The following TTC28 variants were observed in gnomAD, a reference collection of about 807,000 sequenced individuals.
TTC28 encodes the protein tetratricopeptide repeat domain 28, also known as tetratricopeptide repeat protein 28.
A neutral mutation model predicts 198.0 loss-of-function variants in TTC28; 61 were observed. The observed-to-expected ratio is 0.31, with a 90% CI of 0.25 to 0.38. The LOEUF is 0.38. TTC28 is among the 10% of genes least tolerant of loss of function. TTC28 has a pLI of 1.00. For missense variants in TTC28, 2,678 were observed against 3,164.0 expected, an observed-to-expected ratio of 0.85 and a Z score of 3.69; for synonymous variants, 1,171 against 1,297.8, an observed-to-expected ratio of 0.90 and a Z score of 2.10.
At chr22:28,338,988 T>C (rs1237950398) in intron 2 of TTC28, among the ~76,000 whole-genome samples, 1 of 152,242 alleles carries the variant, frequency 6.6e-6, no homozygotes, top group East Asian at 1.9e-4. Flanking sequence ...CTCTGTTTTT[T>C]CCCCATCTTT....
intron 5 of TTC28, among the ~76,000 whole-genome samples, chr22:28,187,138 T>C (rs1924274689): frequency 6.6e-6 from 1 of 151,912 alleles, no homozygotes; most frequent in Non-Finnish European, 1.5e-5. Flanking sequence ...ATAAGAAAAA[T>C]AGGTAGAAAT....
intron 3 of TTC28, among the ~76,000 whole-genome samples, chr22:28,304,036 A>C (rs1376964680): frequency 6.6e-6 from 1 of 152,174 alleles, no homozygotes; most frequent in Non-Finnish European, 1.5e-5. Context: ...CTGTAATCCC[A>C]GCACTTTGGG....
intron 13 of TTC28, 39 bp downstream of exon 13, chr22:28,030,187 T>G (rs1939015848): frequency 6.5e-7 from 1 of 1,549,474 alleles, no homozygotes; most frequent in East Asian, 2.4e-5. Flanking sequence ...CAGAGCACCC[T>G]GCCCTGCACT....
In TTC28 at chr22:28,337,863, G is replaced by A. The variant is rs563578893; in HGVS notation, c.382-31220C>T. 5.3e-5 allele frequency among the ~76,000 whole-genome samples: 8 copies of A among 152,308 alleles called. No individual in the cohort carries two copies. The South Asian group carries it at 1.7e-3, about 32-fold the overall frequency. On this transcript the variant is annotated intron_variant, in intron 2 of 22. Transcript: ENST00000397906. ...ACATTTAAGGTTAATATTGTTATGT[G>A]TGAATTTGATCCTGTCTTTATGATG...
At position 28,642,102 on chromosome 22, in the gene TTC28, C is replaced by A. The variant is rs138419160; in HGVS notation, c.103-12272G>T. On this transcript the variant is annotated intron_variant, in intron 1 of 22. Coordinates refer to ENST00000397906, the MANE Select transcript of TTC28 (RefSeq NM_001145418.2). ...AATCTGTTAAGTAGTAAAACTATTA[C>A]TTTTATTAGACCATATTGAGTCAAG... Among the ~76,000 whole-genome samples, 4 of 151,600 alleles carry A rather than the reference C, an allele frequency of 2.6e-5. No individual in the cohort carries two copies. In the East Asian group the frequency reaches 7.8e-4, roughly 29 times the overall value.
intron 2 of TTC28, among the ~76,000 whole-genome samples, chr22:28,369,843 G>A (rs2145986220): frequency 6.6e-6 from 1 of 152,172 alleles, no homozygotes; most frequent in Non-Finnish European, 1.5e-5. Context: ...ATATATAAGA[G>A]TAATAGGAAT....
chr22:28,557,976 T>A (rs1261445040), intron 2 of TTC28, among the ~76,000 whole-genome samples: 1 of 152,244 alleles, frequency 6.6e-6, no homozygotes, highest in Non-Finnish European at 1.5e-5. Context: ...CATGATCATT[T>A]TTTACTGTTC....
At chr22:28,108,455 T>C (rs1942389730) in intron 6 of TTC28, 52 bp from the exon 7 acceptor site, 3 of 1,360,520 alleles carry the variant, frequency 2.2e-6, no homozygotes, top group Admixed American at 3.5e-5. Context: ...TGATTTGCAA[T>C]GTAGAAAGAA....
At chr22:27,997,753 A>G (rs1937577626) in intron 16 of TTC28, 1 of 152,250 alleles carries the variant, frequency 6.6e-6, no homozygotes, top group Admixed American at 6.5e-5. Context: ...TGTTGGTAAA[A>G]CAGTCCCGGC....
intron 5 of TTC28, among the ~76,000 whole-genome samples, chr22:28,167,228 A>G (rs963169017): frequency 5.3e-5 from 8 of 152,192 alleles, no homozygotes; most frequent in Admixed American, 2.6e-4. Flanking sequence ...ATTCACAGCC[A>G]AATTCTACCA....
intron 12 of TTC28, among the ~76,000 whole-genome samples, chr22:28,065,326 A>T (rs991635838): frequency 6.6e-6 from 1 of 152,252 alleles, no homozygotes; most frequent in Admixed American, 6.5e-5. Context: ...CACAGTTCAC[A>T]GTCTACATAC....
chr22:28,279,478 C>G (rs2044539650), intron 5 of TTC28, among the ~76,000 whole-genome samples: 1 of 152,198 alleles, frequency 6.6e-6, no homozygotes. Flanking sequence ...TCAAGCGATT[C>G]TCCTGCCACA....
intron 5 of TTC28, among the ~76,000 whole-genome samples, chr22:28,171,693 G>C (rs372422514): frequency 6.8e-6 from 1 of 147,946 alleles, no homozygotes; most frequent in East Asian, 2.0e-4. Context: ...CTAACAAAAA[G>C]ACTTAGAAAA....
At chr22:28,552,534 T>C (rs553067524) in intron 2 of TTC28, among the ~76,000 whole-genome samples, 8 of 152,136 alleles carry the variant, frequency 5.3e-5, no homozygotes, top group South Asian at 4.1e-4. Flanking sequence ...AATAGGCACA[T>C]AGACCAATGA....
rs1171590495 is a variant in TTC28, at chr22:28,604,298, TA to T, written c.381+25253del. 9.2e-4 allele frequency among the ~76,000 whole-genome samples: 23 copies of T among 25,100 alleles called. No homozygotes were observed. The South Asian group carries it at 0.027, about 29-fold the overall frequency. 16.5% of individuals were successfully genotyped at this position (25,100 alleles called of 152,430 possible). Reference sequence around the variant, plus strand: ...GTCTTAAACAGAAAAAAAAAAAAATTATATATATATATATATATATATATGT... The same window carrying T: ...GTCTTAAACAGAAAAAAAAAAAAATTTATATATATATATATATATATATGT... On this transcript the variant is annotated intron_variant, in intron 2 of 22. Transcript: ENST00000397906.
At chr22:28,579,179 T>C (rs974694240) in intron 2 of TTC28, among the ~76,000 whole-genome samples, 3 of 151,040 alleles carry the variant, frequency 2.0e-5, no homozygotes, top group Admixed American at 6.6e-5. Context: ...CACGTATGTA[T>C]AGTTATATAT....
chr22:28,263,281 T>C (rs1931449205), intron 5 of TTC28, among the ~76,000 whole-genome samples: 1 of 152,156 alleles, frequency 6.6e-6, no homozygotes, highest in African/African-American at 2.4e-5. Flanking sequence ...TATGTTTTAA[T>C]CCTCACTTTA....
At chr22:28,017,531 G>C (rs1231452055) in intron 13 of TTC28, among the ~76,000 whole-genome samples, 1 of 152,068 alleles carries the variant, frequency 6.6e-6, no homozygotes, top group Non-Finnish European at 1.5e-5. Context: ...AGTGGAGGAG[G>C]TCATTCCAAC....
At chr22:28,527,033 C>G (rs778780164) in intron 2 of TTC28, among the ~76,000 whole-genome samples, 2 of 152,182 alleles carry the variant, frequency 1.3e-5, no homozygotes, top group African/African-American at 2.4e-5. Flanking sequence ...GCTGAGATTA[C>G]AGGCATGAGC....
Sources: allele counts gnomAD v4.1 joint callset (sites outside exome capture counted in the v4.1 genomes callset), GRCh38; gene constraint gnomAD v4.1.1; transcripts MANE v1.5; gene names NCBI Gene and HGNC (gene_info 2026-07-23, HGNC 2026-07-21).